Variants in LRP1B observed in about 807,000 individuals in gnomAD.
LRP1B encodes the protein low-density lipoprotein receptor-related protein 1B.
A neutral mutation model predicts 556.6 loss-of-function variants in LRP1B; 217 were observed. The ratio of observed to expected loss-of-function variants is 0.39; its 90% CI spans 0.35 to 0.44. The LOEUF (loss-of-function observed/expected upper bound fraction) is 0.44. LRP1B is among the 20% of genes least tolerant of loss of function. The pLI is 1.00. For missense variants in LRP1B, 5,053 were observed against 5,620.8 expected, an observed-to-expected ratio of 0.90 and a Z score of 3.23; for synonymous variants, 2,047 against 1,865.8, an observed-to-expected ratio of 1.10 and a Z score of -2.50.
At chr2:141,998,169 C>T (rs572671385) in intron 1 of LRP1B, among the ~76,000 whole-genome samples, 50 of 151,940 alleles carry the variant, frequency 3.3e-4, no homozygotes, top group East Asian at 7.8e-4. Context: ...CTCAGAGGTC[C>T]GGTTAAAAGA....
chr2:142,052,128 C>T (rs1238239935), intron 1 of LRP1B, among the ~76,000 whole-genome samples: 1 of 151,896 alleles, frequency 6.6e-6, no homozygotes, highest in Non-Finnish European at 1.5e-5. Context: ...AAACGTCTTT[C>T]AGAGAACCAG....
At chr2:140,237,791 A>G (rs1680773882) in intron 89 of LRP1B, among the ~76,000 whole-genome samples, 1 of 150,808 alleles carries the variant, frequency 6.6e-6, no homozygotes, top group Non-Finnish European at 1.5e-5. Context: ...CCTGAAGAAG[A>G]CCTAAACAAT....
At chr2:140,260,169 CA>C in intron 86 of LRP1B, among the ~76,000 whole-genome samples, 1 of 151,786 alleles carries the variant, frequency 6.6e-6, no homozygotes, top group East Asian at 1.9e-4. Context: ...GGGCAAGAAG[CA>C]ATAATATATA....
chr2:141,941,297 G>A (rs1166588274), intron 1 of LRP1B, among the ~76,000 whole-genome samples: 1 of 152,168 alleles, frequency 6.6e-6, no homozygotes, highest in Non-Finnish European at 1.5e-5. Context: ...AGCCCCAGTA[G>A]CAAGTAGAAT....
intron 66 of LRP1B, among the ~76,000 whole-genome samples, chr2:140,393,451 C>A: frequency 6.6e-6 from 1 of 150,932 alleles, no homozygotes. Flanking sequence ...TTTAAGTTTG[C>A]TATTAGTTTG....
intron 1 of LRP1B, among the ~76,000 whole-genome samples, chr2:142,032,352 T>C (rs1401305655): frequency 6.6e-6 from 1 of 151,852 alleles, no homozygotes; most frequent in Admixed American, 6.6e-5. Context: ...CTGCCTGTTA[T>C]ATAATTCTTT....
chr2:141,333,314 A>T (rs1687726390), intron 3 of LRP1B, among the ~76,000 whole-genome samples: 1 of 152,152 alleles, frequency 6.6e-6, no homozygotes, highest in Non-Finnish European at 1.5e-5. Context: ...ATTTAATGGT[A>T]GAATCATTTA....
intron 26 of LRP1B, 127 bp downstream of exon 26, chr2:140,867,972 C>CG: frequency 9.0e-7 from 1 of 1,116,660 alleles, no homozygotes; most frequent in Non-Finnish European, 1.2e-6. Context: ...TTGGGGCAAG[C>CG]AAAAAAAAAA....
chr2:140,596,998 C>T (rs2105183694), intron 43 of LRP1B, among the ~76,000 whole-genome samples: 1 of 152,046 alleles, frequency 6.6e-6, no homozygotes, highest in East Asian at 1.9e-4. Context: ...TTAAAACAGT[C>T]CATAAATAGT....
chr2:141,213,772 AAT>A, intron 6 of LRP1B, among the ~76,000 whole-genome samples: 1 of 152,320 alleles, frequency 6.6e-6, no homozygotes, highest in East Asian at 1.9e-4. Flanking sequence ...ATACTATAAA[AAT>A]AGTTTCTATA....
intron 2 of LRP1B, among the ~76,000 whole-genome samples, chr2:141,557,930 G>T (rs906569718): frequency 1.3e-5 from 2 of 151,968 alleles, no homozygotes; most frequent in South Asian, 4.1e-4. Flanking sequence ...TTCAGCCACA[G>T]CCACCTACAC....
At chr2:141,612,969 AT>A (rs397713874) in intron 2 of LRP1B, among the ~76,000 whole-genome samples, 5,738 of 144,158 alleles carry the variant, frequency 0.04, 136 homozygotes, top group Non-Finnish European at 0.058. Flanking sequence ...CACCCAGCTA[AT>A]TTTTTTTTTT....
intron 66 of LRP1B, among the ~76,000 whole-genome samples, chr2:140,410,511 T>A (rs1000918845): frequency 2.6e-5 from 4 of 151,864 alleles, no homozygotes; most frequent in Non-Finnish European, 5.9e-5. Flanking sequence ...TGCTGTAGAA[T>A]CATATTTATC....
At chr2:141,040,159 T>G (rs1698655629) in intron 11 of LRP1B, among the ~76,000 whole-genome samples, 1 of 152,088 alleles carries the variant, frequency 6.6e-6, no homozygotes, top group African/African-American at 2.4e-5. Context: ...TAATAGTTGG[T>G]CAGAGTATAT....
At chr2:140,589,268 G>A (rs1290512997) in intron 43 of LRP1B, among the ~76,000 whole-genome samples, 2 of 151,924 alleles carry the variant, frequency 1.3e-5, no homozygotes, top group Non-Finnish European at 2.9e-5. Context: ...ACAAAGTGGG[G>A]GAAAATATTT....
intron 83 of LRP1B, among the ~76,000 whole-genome samples, chr2:140,303,966 A>G (rs1683954137): frequency 6.6e-6 from 1 of 152,134 alleles, no homozygotes; most frequent in South Asian, 2.1e-4. Context: ...AGCTTCATCC[A>G]TGTCCCTACA....
chr2:141,875,699 C>T (rs1698733670), intron 1 of LRP1B, among the ~76,000 whole-genome samples: 2 of 151,866 alleles, frequency 1.3e-5, no homozygotes. Context: ...AGGTAAGTTC[C>T]CCCACAAGGG....
At chr2:142,114,605 G>T (rs1707116660) in intron 1 of LRP1B, among the ~76,000 whole-genome samples, 1 of 152,006 alleles carries the variant, frequency 6.6e-6, no homozygotes, top group South Asian at 2.1e-4. Flanking sequence ...ATACAATTCT[G>T]TCATTTACAG....
At chr2:141,470,708 G>C (rs1381380461) in intron 3 of LRP1B, among the ~76,000 whole-genome samples, 1 of 152,140 alleles carries the variant, frequency 6.6e-6, no homozygotes, top group Non-Finnish European at 1.5e-5. Flanking sequence ...ATATCAAGCT[G>C]CTGTGTCAAA....
Sources: allele counts gnomAD v4.1 joint callset (sites outside exome capture counted in the v4.1 genomes callset), GRCh38; gene constraint gnomAD v4.1.1; transcripts MANE v1.5; gene names NCBI Gene and HGNC (gene_info 2026-07-23, HGNC 2026-07-21).